Variants in COL14A1 observed in about 807,000 individuals in gnomAD.
COL14A1 encodes collagen alpha-1(XIV) chain.
COL14A1 carries 136 observed loss-of-function variants against 230.3 expected under a neutral mutation model. The observed-to-expected ratio is 0.59, with a 90% CI of 0.51 to 0.68. COL14A1 has a LOEUF of 0.68. Among genes scored for constraint, COL14A1 ranks in the 30% least tolerant of loss-of-function variants. COL14A1 has a pLI of 0.00. For missense variants in COL14A1, 1,976 were observed against 2,215.8 expected (o/e 0.89, Z 2.17); for synonymous variants, 792 against 784.1 (o/e 1.01, Z -0.17).
At chr8:120,358,139 T>TA (rs886440058) in intron 45 of COL14A1, among the ~76,000 whole-genome samples, 3 of 152,204 alleles carry the variant, frequency 2.0e-5, no homozygotes, top group East Asian at 1.9e-4. Context: ...TTTCTGTAGA[T>TA]AAAAAAATTT....
At chr8:120,194,085 T>C (rs1208113281) in intron 5 of COL14A1, among the ~76,000 whole-genome samples, 4 of 152,172 alleles carry the variant, frequency 2.6e-5, no homozygotes, top group Non-Finnish European at 5.9e-5. Flanking sequence ...CGGCACTCCC[T>C]AGTGGGATGA....
At chr8:120,202,288 G>C (rs1006719942) in intron 8 of COL14A1, among the ~76,000 whole-genome samples, 1 of 152,188 alleles carries the variant, frequency 6.6e-6, no homozygotes, top group Non-Finnish European at 1.5e-5. Context: ...GAAATCAGCA[G>C]TATTTATTAA....
intron 40 of COL14A1, among the ~76,000 whole-genome samples, chr8:120,325,006 G>C (rs1049850992): frequency 1.3e-5 from 2 of 151,884 alleles, no homozygotes; most frequent in Non-Finnish European, 2.9e-5. Flanking sequence ...GTATGGAAAA[G>C]AAAACTGCAA....
At chr8:120,235,109 T>C (rs191517865) in intron 19 of COL14A1, among the ~76,000 whole-genome samples, 1 of 152,330 alleles carries the variant, frequency 6.6e-6, no homozygotes, top group Admixed American at 6.5e-5. Flanking sequence ...ATAGTGGTGT[T>C]TATAGTATTC....
At chr8:120,313,410 G>A (rs1208591855) in intron 37 of COL14A1, among the ~76,000 whole-genome samples, 1 of 152,094 alleles carries the variant, frequency 6.6e-6, no homozygotes, top group Non-Finnish European at 1.5e-5. Context: ...CCGAGGGAAG[G>A]TCATTCAGTG....
chr8:120,227,118 G>T, intron 16 of COL14A1, 102 bp from the exon 17 acceptor site: 1 of 1,350,364 alleles, frequency 7.4e-7, no homozygotes, highest in East Asian at 2.5e-5. Flanking sequence ...CAGCCTTGGA[G>T]TTCTTTATGA....
intron 7 of COL14A1, among the ~76,000 whole-genome samples, chr8:120,198,739 C>T (rs531855055): frequency 6.6e-6 from 1 of 152,238 alleles, no homozygotes; most frequent in African/African-American, 2.4e-5. Context: ...CTGCCACAGG[C>T]ACATATTAGA....
chr8:120,226,926 T>G (rs1220401901), intron 16 of COL14A1, among the ~76,000 whole-genome samples, 160 bp downstream of exon 16: 2 of 152,218 alleles, frequency 1.3e-5, no homozygotes, highest in Non-Finnish European at 2.9e-5. Context: ...AAGATTTTCC[T>G]AATATTATGA....
Position 120,285,298 on chromosome 8 carries a change from A to T in COL14A1, c.3968-563A>T, listed in dbSNP as rs552301775. Among the ~76,000 whole-genome samples, 191 of 151,940 alleles carry T rather than the reference A, an allele frequency of 1.3e-3. 1 individual carries two copies. The highest frequency in any genetic ancestry group is 4.4e-3 in the African/African-American group (184 of 41,442). Reference sequence around the variant, plus strand: ...AGGAGATCGAGACCAAGCCGTCTCTACTAAAAATACAAAAAATTAGCTGGG... The same window carrying T: ...AGGAGATCGAGACCAAGCCGTCTCTTCTAAAAATACAAAAAATTAGCTGGG... On this transcript the variant is annotated intron_variant, in intron 32 of 47. Coordinates refer to ENST00000297848, the MANE Select transcript of COL14A1 (RefSeq NM_021110.4).
At position 120,372,571 on chromosome 8, in the gene COL14A1, G is replaced by C. The variant is rs1812193973; in HGVS notation, c.*1340G>C. On this transcript the variant is annotated 3_prime_UTR_variant, in exon 48 of 48. Coordinates refer to ENST00000297848, the MANE Select transcript of COL14A1 (RefSeq NM_021110.4). Reference sequence around the variant, plus strand: ...TCTCTGTAACATCTCCCTAGTAACAGCTAACTTTAGAAAGTAGGGATGGGA... The same window carrying C: ...TCTCTGTAACATCTCCCTAGTAACACCTAACTTTAGAAAGTAGGGATGGGA... 6.6e-6 allele frequency among the ~76,000 whole-genome samples: 1 copy of C among 152,190 alleles called. No homozygotes were observed. The highest frequency in any genetic ancestry group is 1.5e-5 in the Non-Finnish European group (1 of 68,042).
chr8:120,211,303 G>A (rs374857794), intron 12 of COL14A1, among the ~76,000 whole-genome samples: 3 of 152,206 alleles, frequency 2.0e-5, no homozygotes, highest in East Asian at 3.9e-4. Context: ...ATATCATAAA[G>A]GAATTAATGA....
chr8:120,150,552 G>A (rs901268696), intron 2 of COL14A1, among the ~76,000 whole-genome samples: 4 of 152,190 alleles, frequency 2.6e-5, no homozygotes, highest in South Asian at 2.1e-4. Context: ...TGACCCCTGT[G>A]TCATTACTGC....
intron 19 of COL14A1, among the ~76,000 whole-genome samples, chr8:120,243,499 A>T (rs374206938): frequency 6.6e-6 from 1 of 152,218 alleles, no homozygotes; most frequent in Non-Finnish European, 1.5e-5. Flanking sequence ...GAGGATACTT[A>T]AGTAAAATAA....
intron 33 of COL14A1, among the ~76,000 whole-genome samples, chr8:120,287,166 G>A (rs1820228620): frequency 6.7e-6 from 1 of 150,078 alleles, no homozygotes; most frequent in Admixed American, 6.7e-5. Context: ...ACTTTCTGTG[G>A]TTTTGAATAT....
At chr8:120,338,084 T>C (rs1822145432) in intron 42 of COL14A1, among the ~76,000 whole-genome samples, 1 of 152,158 alleles carries the variant, frequency 6.6e-6, no homozygotes, top group Non-Finnish European at 1.5e-5. Context: ...AGTCTCTAGA[T>C]TTGAGACATT....
chr8:120,249,653 T>A (rs1444080382), intron 21 of COL14A1, among the ~76,000 whole-genome samples: 1 of 152,160 alleles, frequency 6.6e-6, no homozygotes, highest in Non-Finnish European at 1.5e-5. Context: ...GAGGACTTGC[T>A]CCTGGAATCT....
At chr8:120,250,380 T>C (rs897539690) in intron 21 of COL14A1, among the ~76,000 whole-genome samples, 3 of 152,206 alleles carry the variant, frequency 2.0e-5, no homozygotes, top group Non-Finnish European at 4.4e-5. Flanking sequence ...ACCAATTTCT[T>C]TGAATAAGTA....
At chr8:120,226,847 A>G in intron 16 of COL14A1, 81 bp downstream of exon 16, 3 of 1,317,528 alleles carry the variant, frequency 2.3e-6, no homozygotes, top group Non-Finnish European at 1.1e-6. Flanking sequence ...CTTCACTTTA[A>G]AATATATTAG....
intron 34 of COL14A1, among the ~76,000 whole-genome samples, chr8:120,290,883 C>T (rs552863640): frequency 5.3e-5 from 8 of 152,114 alleles, no homozygotes; most frequent in Non-Finnish European, 1.2e-4. Flanking sequence ...GCTTTCAGAC[C>T]TTGATAGGTA....
Sources: gnomAD v4.1 joint callset for allele counts (sites outside exome capture counted in the v4.1 genomes callset) on GRCh38, gnomAD v4.1.1 for gene constraint, MANE v1.5 for transcripts, NCBI Gene and HGNC (gene_info 2026-07-23, HGNC 2026-07-21) for gene names.